Variants in GOLGA8M observed in about 807,000 individuals in gnomAD.
GOLGA8M encodes the protein golgin subfamily A member 8M.
In GOLGA8M, 34 loss-of-function variants were observed where a neutral mutation model predicts 87.7. The ratio of observed to expected loss-of-function variants is 0.39; its 90% confidence interval spans 0.29 to 0.52. The LOEUF (loss-of-function observed/expected upper bound fraction) is 0.52. Among genes scored for constraint, GOLGA8M ranks in the 20% least tolerant of loss-of-function variants. The probability of loss-of-function intolerance (pLI) is 0.80; values close to 1 mark genes in which losing one functional copy is unlikely to be tolerated. For synonymous variants in GOLGA8M, 138 were observed against 250.2 expected, an observed-to-expected ratio of 0.55 and a Z score of 4.23; for missense variants, 396 against 682.2, an observed-to-expected ratio of 0.58 and a Z score of 4.67.
In GOLGA8M at chr15:28,706,403, T is replaced by C; in HGVS notation, c.782A>G (p.Gln261Arg). The stretch of plus-strand genomic sequence containing the variant: ...GGCTGAAGGGTCAGATCTCACCTCC[T>C]GCGACATTTTTCTCATCCTCTGCTG... ...RWQQRMRKMSQEICTLKKEKQ... is the reference protein window; with the variant it reads ...RWQQRMRKMSREICTLKKEKQ... Residue 261 changes from glutamine to arginine, a missense_variant, in exon 10 of 19, where the codon CAG (glutamine) becomes CGG (arginine). By Grantham distance (43) the Gln-to-Arg change is conservative. Transcript: ENST00000563027. The C allele has an allele frequency of 3.2e-6, 2 of 624,698 alleles. No individual in the cohort carries two copies. Among genetic ancestry groups the C allele is most frequent in the Admixed American group, 5.6e-5 (2 of 35,420 alleles). The allele number at this position is 624,698 out of a possible 1,614,324, so 38.7% of individuals were successfully genotyped here. A position where few individuals can be genotyped will look rare whatever the true frequency, so the allele number is the denominator to read the frequency against.
Position 28,705,751 on chromosome 15 carries a change from A to G in GOLGA8M, c.875-12T>C. 1 of 1,560,752 alleles carries G rather than the reference A, an allele frequency of 6.4e-7. No individual in the cohort carries two copies. Among genetic ancestry groups the G allele is most frequent in the Non-Finnish European group, 8.5e-7 (1 of 1,175,598 alleles). On this transcript the variant is annotated splice_polypyrimidine_tract_variant and intron_variant, in intron 11 of 18. Coordinates refer to ENST00000563027, the MANE Select transcript of GOLGA8M (RefSeq NM_001282468.3). ...GGGCAAGGGTTCAGCTGAGAAAGGA[A>G]GCAGACAATAAGGGCCTCTGGATTC...
chr15:28,713,204 G>A (rs1400406636), upstream of GOLGA8M, among the ~76,000 whole-genome samples: 2 of 150,896 alleles, frequency 1.3e-5, no homozygotes, highest in Non-Finnish European at 3.0e-5. Flanking sequence ...GGATGTGGTG[G>A]CAGGCAGCTG....
chr15:28,698,660 T>C lies in GOLGA8M; in HGVS notation c.*3294A>G, dbSNP rs1001976716. Among the ~76,000 whole-genome samples the C allele has an allele frequency of 6.8e-6, 1 of 147,310 alleles. No homozygotes were observed. Among genetic ancestry groups the C allele is most frequent in the African/African-American group, 2.6e-5 (1 of 38,022 alleles). Reference sequence around the variant, plus strand: ...TAGTTATATTACAACTTTGTAAAAATGAAACACATTATCTCATGCCAAGCA... The same window carrying C: ...TAGTTATATTACAACTTTGTAAAAACGAAACACATTATCTCATGCCAAGCA... On this transcript the variant is annotated 3_prime_UTR_variant, in exon 19 of 19. Coordinates refer to ENST00000563027, the MANE Select transcript of GOLGA8M (RefSeq NM_001282468.3).
At chr15:28,711,623 A>T (rs2080197522) in intron 1 of GOLGA8M, 2 of 985,060 alleles carry the variant, frequency 2.0e-6, no homozygotes, top group African/African-American at 3.5e-5. Context: ...TGACCAGAGG[A>T]ACCAGAAACG....
intron 1 of GOLGA8M, chr15:28,711,498 G>A: frequency 1.0e-6 from 1 of 984,064 alleles, no homozygotes; most frequent in Non-Finnish European, 1.2e-6. Flanking sequence ...TGAGTTCATG[G>A]GGGAAGTGTA....
intron 1 of GOLGA8M, chr15:28,711,981 G>C (rs1463774060): frequency 2.0e-6 from 2 of 984,756 alleles, no homozygotes; most frequent in African/African-American, 3.5e-5. Flanking sequence ...AGAGCCCAAA[G>C]AGCCCAGGGA....
rs2140896283 is a variant in GOLGA8M at position 28,699,044 on chromosome 15, C to T, written c.*2910G>A. On this transcript the variant is annotated 3_prime_UTR_variant, in exon 19 of 19. Coordinates refer to ENST00000563027, the MANE Select transcript of GOLGA8M (RefSeq NM_001282468.3). The stretch of plus-strand genomic sequence containing the variant: ...AAATTATTTCAGAACATTAAGATAG[C>T]AGTTACATATTTTAATAGTTATATT... Among the ~76,000 whole-genome samples, 1 of 149,468 alleles carries T rather than the reference C, an allele frequency of 6.7e-6. No individual in the cohort carries two copies. Among genetic ancestry groups the T allele is most frequent in the South Asian group, 2.1e-4 (1 of 4,728 alleles).
intron 2 of GOLGA8M, among the ~76,000 whole-genome samples, chr15:28,710,027 C>T (rs1038495896): frequency 2.8e-5 from 4 of 143,688 alleles, no homozygotes; most frequent in African/African-American, 1.0e-4. Context: ...AGCAACTTGC[C>T]CTAAATCATA....
chr15:28,701,888 G>C lies in GOLGA8M; in HGVS notation c.*66C>G. 6 of 1,324,074 alleles carry C rather than the reference G, an allele frequency of 4.5e-6. 1 individual carries two copies. The South Asian group carries it at 6.4e-5, about 14-fold the overall frequency. The allele number at this position is 1,324,074 out of a possible 1,614,324, so 82.0% of individuals were successfully genotyped here. On this transcript the variant is annotated 3_prime_UTR_variant, in exon 19 of 19. Coordinates refer to ENST00000563027, the MANE Select transcript of GOLGA8M (RefSeq NM_001282468.3). ...AAGGAAGTAAATGAATTGTGTAGGAGATTAACCCCATAACTTGGTTTCTTA... is the reference window on the plus strand; with the variant it reads ...AAGGAAGTAAATGAATTGTGTAGGACATTAACCCCATAACTTGGTTTCTTA...
At position 28,702,632 on chromosome 15, in the gene GOLGA8M, G is replaced by A. The variant is rs771524028; in HGVS notation, c.1469+13C>T. 3 of 1,610,236 alleles carry A rather than the reference G, an allele frequency of 1.9e-6. No homozygotes were observed. Among genetic ancestry groups the A allele is most frequent in the Non-Finnish European group, 2.5e-6 (3 of 1,179,962 alleles). On this transcript the variant is annotated intron_variant, in intron 16 of 18. Transcript: ENST00000563027. The stretch of plus-strand genomic sequence containing the variant: ...CTGCAGCTCCCCCTGCCGTGCCCTG[G>A]CCTCCCACTCACTGATGGCATCTCT...
In GOLGA8M at chr15:28,701,606, G is replaced by A. The variant is rs549511212; in HGVS notation, c.*348C>T. 1.3e-4 allele frequency among the ~76,000 whole-genome samples: 20 copies of A among 151,766 alleles called. No homozygotes were observed. Among genetic ancestry groups the A allele is most frequent in the Middle Eastern group, 3.4e-3 (1 of 294 alleles). ...GCTGCAATAACATTAAAAAAGCATG[G>A]CAGCCTATTCCAAACCAGCGAGAAC... On this transcript the variant is annotated 3_prime_UTR_variant, in exon 19 of 19. Transcript: ENST00000563027.
chr15:28,704,112 G>A (rs547071006), intron 13 of GOLGA8M, among the ~76,000 whole-genome samples, 195 bp from the exon 14 acceptor site: 5 of 147,324 alleles, frequency 3.4e-5, no homozygotes, highest in East Asian at 6.1e-4. Context: ...CCTGTACAGC[G>A]CCTCCTTCTC....
Position 28,700,945 on chromosome 15 carries a change from A to T in GOLGA8M, c.*1009T>A, listed in dbSNP as rs1450595540. Among the ~76,000 whole-genome samples the T allele has an allele frequency of 1.3e-5, 2 of 152,130 alleles. No homozygotes were observed. Among genetic ancestry groups the T allele is most frequent in the African/African-American group, 2.4e-5 (1 of 41,434 alleles). ...TTGAACTCATAAAGGATTTCTTATGATCTTCACTAAATACATTAAGAAGAA... is the reference window on the plus strand; with the variant it reads ...TTGAACTCATAAAGGATTTCTTATGTTCTTCACTAAATACATTAAGAAGAA... On this transcript the variant is annotated 3_prime_UTR_variant, in exon 19 of 19. Coordinates refer to ENST00000563027, the MANE Select transcript of GOLGA8M (RefSeq NM_001282468.3).
intron 2 of GOLGA8M, 40 bp from the exon 3 acceptor site, chr15:28,709,628 CCA>C (rs1363476296): frequency 1.5e-6 from 1 of 653,368 alleles, no homozygotes; most frequent in Non-Finnish European, 2.7e-6. Flanking sequence ...GTTCTGTCCC[CCA>C]CAGTGTCTGA....
rs767317704 is a variant in GOLGA8M, at chr15:28,705,110, C to G, written c.1200+49G>C. On this transcript the variant is annotated intron_variant, in intron 13 of 18. Transcript: ENST00000563027. ...ACCTCCCCTCCCCAGAGGCTGCTGC[C>G]CGCCTCCCAGCCCTTCTTGGATGGG... The G allele has an allele frequency of 7.0e-5, 111 of 1,595,064 alleles. No individual in the cohort carries two copies. In the African/African-American group the frequency reaches 1.4e-3, roughly 20 times the overall value.
rs2079831088 is a variant in GOLGA8M at position 28,702,531 on chromosome 15, C to T, written c.1501G>A (p.Gly501Ser). 2 of 1,602,644 alleles carry T rather than the reference C, an allele frequency of 1.2e-6. No individual in the cohort carries two copies. Among genetic ancestry groups the T allele is most frequent in the South Asian group, 2.2e-5 (2 of 90,930 alleles). Residue 501 changes from glycine (G) to serine (S), a missense_variant, in exon 17 of 19, where the codon GGC (glycine) becomes AGC (serine). Coordinates refer to ENST00000563027, the MANE Select transcript of GOLGA8M (RefSeq NM_001282468.3). ...KIHHLLSEPG[G>S]RAKDAALGGG... ...CCCAGTGCCGCATCTTTGGCACGGCCCCCTGGTTCTGATAAAAGGTGATGG... is the reference window on the plus strand; with the variant it reads ...CCCAGTGCCGCATCTTTGGCACGGCTCCCTGGTTCTGATAAAAGGTGATGG...
Position 28,703,281 on chromosome 15 carries a change from A to G in GOLGA8M, c.1368+38T>C, listed in dbSNP as rs374328220. 4.5e-3 allele frequency: 2,008 copies of G among 444,274 alleles called. 27 individuals carry two copies. Among genetic ancestry groups the G allele is most frequent in the Non-Finnish European group, 4.5e-3 (1,196 of 267,472 alleles). The allele number at this position is 444,274 out of a possible 1,614,324, so 27.5% of individuals were successfully genotyped here. A position where few individuals can be genotyped will look rare whatever the true frequency, so the allele number is the denominator to read the frequency against. On this transcript the variant is annotated intron_variant, in intron 15 of 18. Coordinates refer to ENST00000563027, the MANE Select transcript of GOLGA8M (RefSeq NM_001282468.3). The stretch of plus-strand genomic sequence containing the variant: ...AAGGGGTCTTGGAGGGACCACAGAG[A>G]AAGGTGGCAAAATGGGTGCAGGGGG...
intron 8 of GOLGA8M, 139 bp from the exon 9 acceptor site, chr15:28,706,838 T>C (rs2080047367): frequency 1.1e-5 from 9 of 791,292 alleles, no homozygotes; most frequent in African/African-American, 1.9e-5. Flanking sequence ...GTGGTCTGGT[T>C]TTTAAAAGAA....
rs780145744 is a variant in GOLGA8M, at chr15:28,705,724, G to C, written c.890C>G (p.Pro297Arg). The change falls in exon 12 of 19, where the codon CCG becomes CGG. Residue 297 changes from proline to arginine, a missense_variant. Physicochemically the swap from Pro to Arg is moderately radical, Grantham distance 103 (BLOSUM62 -2). Transcript: ENST00000563027. Reference protein sequence around the residue: ...LKNQMAEPLPPEPPAVPSEVE... With the variant: ...LKNQMAEPLPREPPAVPSEVE... ...CTCAGAGGGCACTGCTGGGGGCTCCGGGGGCAAGGGTTCAGCTGAGAAAGG... is the reference window on the plus strand; with the variant it reads ...CTCAGAGGGCACTGCTGGGGGCTCCCGGGGCAAGGGTTCAGCTGAGAAAGG... The C allele has an allele frequency of 5.6e-5, 88 of 1,572,168 alleles. 4 individuals are homozygous for C. The highest frequency in any genetic ancestry group is 7.2e-5 in the Non-Finnish European group (85 of 1,176,202).
Sources: allele counts gnomAD v4.1 joint callset (sites outside exome capture counted in the v4.1 genomes callset), GRCh38; gene constraint gnomAD v4.1.1; transcripts MANE v1.5; gene names NCBI Gene and HGNC (gene_info 2026-07-23, HGNC 2026-07-21).